ANO4: variants seen among roughly 807,000 people sequenced by gnomAD.
The protein encoded by ANO4 is anoctamin 4.
Under a neutral mutation model 141.9 loss-of-function variants are expected in ANO4, and 69 were observed. That is an observed-to-expected ratio of 0.49 (90% CI 0.40 to 0.59). The LOEUF is 0.59. Ranked by LOEUF, ANO4 falls within the 20% of genes least tolerant of loss-of-function variation. The probability of loss-of-function intolerance (pLI) is 0.00; values close to 1 mark genes in which losing one functional copy is unlikely to be tolerated. For synonymous variants in ANO4, 350 were observed against 394.3 expected, an observed-to-expected ratio of 0.89 and a Z score of 1.33; for missense variants, 894 against 1,162.2, an observed-to-expected ratio of 0.77 and a Z score of 3.36.
At chr12:100,739,402 A>G (rs971336505) in intron 2 of ANO4, among the ~76,000 whole-genome samples, 98 of 152,244 alleles carry the variant, frequency 6.4e-4, no homozygotes, top group African/African-American at 1.8e-3. Flanking sequence ...GAAAGAACAT[A>G]GATTTTGGAG....
At chr12:100,908,934 C>G (rs1215841753) in intron 2 of ANO4, among the ~76,000 whole-genome samples, 1 of 152,156 alleles carries the variant, frequency 6.6e-6, no homozygotes, top group Non-Finnish European at 1.5e-5. Context: ...CTACTATTTA[C>G]TAACAAGGAT....
chr12:100,858,018 G>A (rs556345270), intron 1 of ANO4, among the ~76,000 whole-genome samples: 51 of 152,224 alleles, frequency 3.4e-4, no homozygotes, highest in Non-Finnish European at 6.8e-4. Context: ...TTCTATCACT[G>A]GTGATAGGAG....
rs564853627 is a variant in ANO4, at chr12:100,739,557, A to G, written c.107-297A>G. Among the ~76,000 whole-genome samples the G allele has an allele frequency of 3.3e-5, 5 of 152,214 alleles. No individual in the cohort carries two copies. The East Asian group carries it at 7.7e-4, about 24-fold the overall frequency. On this transcript the variant is annotated intron_variant, in intron 2 of 29. Transcript: ENST00000644049. ...AGATCAGTTCTGCAGTTTCTATCTT[A>G]TAGTAGGCCTTAAGTAATTTTTTTT...
intron 9 of ANO4, among the ~76,000 whole-genome samples, chr12:101,030,875 G>T (rs1037841534): frequency 6.6e-6 from 1 of 151,934 alleles, no homozygotes; most frequent in Non-Finnish European, 1.5e-5. Flanking sequence ...CTCTCCCAAG[G>T]CTCAACCAGG....
chr12:100,839,610 A>T (rs1473695469), intron 1 of ANO4, among the ~76,000 whole-genome samples: 1 of 152,152 alleles, frequency 6.6e-6, no homozygotes, highest in African/African-American at 2.4e-5. Context: ...GGCATTTTCA[A>T]ATAAATAAGG....
At chr12:101,017,516 A>G (rs2046359104) in intron 8 of ANO4, among the ~76,000 whole-genome samples, 1 of 151,752 alleles carries the variant, frequency 6.6e-6, no homozygotes, top group Admixed American at 6.6e-5. Flanking sequence ...GAGATTTGGA[A>G]ACAAATGAAT....
At chr12:100,781,169 T>C (rs560558411) in intron 3 of ANO4, among the ~76,000 whole-genome samples, 1 of 152,344 alleles carries the variant, frequency 6.6e-6, no homozygotes, top group South Asian at 2.1e-4. Flanking sequence ...AATGCTCATT[T>C]ATTAGATACT....
chr12:101,089,298 T>C (rs1461203714), intron 17 of ANO4, among the ~76,000 whole-genome samples: 1 of 152,048 alleles, frequency 6.6e-6, no homozygotes, highest in Admixed American at 6.6e-5. Context: ...TCATTATTAG[T>C]ATTAAAATAC....
intron 3 of ANO4, among the ~76,000 whole-genome samples, chr12:100,777,475 A>C (rs1267831482): frequency 1.3e-5 from 2 of 151,582 alleles, no homozygotes; most frequent in African/African-American, 2.4e-5. Flanking sequence ...GCTTGGGTAG[A>C]GTAAAAAGCC....
intron 5 of ANO4, among the ~76,000 whole-genome samples, chr12:100,962,332 G>T (rs1262065807): frequency 1.3e-5 from 2 of 152,246 alleles, no homozygotes; most frequent in Admixed American, 1.3e-4. Context: ...GAATACAACT[G>T]TGGAGAAGTG....
intron 14 of ANO4, among the ~76,000 whole-genome samples, chr12:101,066,010 C>T (rs1362119951): frequency 6.6e-6 from 1 of 152,050 alleles, no homozygotes; most frequent in African/African-American, 2.4e-5. Flanking sequence ...AGGATGAAAA[C>T]CATATGATCA....
intron 14 of ANO4, among the ~76,000 whole-genome samples, chr12:101,065,305 A>G (rs2048534737): frequency 6.6e-6 from 1 of 152,108 alleles, no homozygotes; most frequent in African/African-American, 2.4e-5. Context: ...CTTGGAATGT[A>G]TTACCTGTGG....
At chr12:100,833,715 G>A (rs11110546) in intron 1 of ANO4, among the ~76,000 whole-genome samples, 29,174 of 151,840 alleles carry the variant, frequency 0.19, 3,340 homozygotes, top group Middle Eastern at 0.35. Flanking sequence ...CAGAGTGTCT[G>A]GCTCATAGTA....
chr12:100,813,127 A>C (rs764561411), intron 1 of ANO4, among the ~76,000 whole-genome samples: 14 of 152,232 alleles, frequency 9.2e-5, no homozygotes, highest in African/African-American at 1.7e-4. Context: ...TAGCAGTGTC[A>C]AATGAAAGCT....
intron 1 of ANO4, among the ~76,000 whole-genome samples, chr12:100,838,894 T>C (rs2037088427): frequency 1.3e-5 from 2 of 152,068 alleles, no homozygotes; most frequent in African/African-American, 4.8e-5. Flanking sequence ...TGAAGGAAGA[T>C]GTGGATGGAG....
At chr12:100,894,144 A>G (rs148623964) in intron 1 of ANO4, among the ~76,000 whole-genome samples, 36 of 152,318 alleles carry the variant, frequency 2.4e-4, no homozygotes, top group Non-Finnish European at 3.5e-4. Flanking sequence ...TACAAAGGAC[A>G]GCACCTTGGC....
chr12:100,717,279 G>A (rs1439661335), upstream of ANO4, among the ~76,000 whole-genome samples: 1 of 151,594 alleles, frequency 6.6e-6, no homozygotes, highest in Non-Finnish European at 1.5e-5. Flanking sequence ...CGGGGACCCG[G>A]AGCGCGGCTG....
At chr12:100,735,864 T>C (rs1481096097) in intron 2 of ANO4, among the ~76,000 whole-genome samples, 3 of 152,136 alleles carry the variant, frequency 2.0e-5, no homozygotes, top group East Asian at 1.9e-4. Context: ...ATGGAGAACA[T>C]GTTCAGGAGA....
At chr12:100,870,342 T>A (rs1026815474) in intron 1 of ANO4, among the ~76,000 whole-genome samples, 13 of 152,198 alleles carry the variant, frequency 8.5e-5, no homozygotes, top group African/African-American at 2.9e-4. Context: ...AATAATTACA[T>A]CCCTTTCTTT....
Sources: allele counts gnomAD v4.1 joint callset (sites outside exome capture counted in the v4.1 genomes callset), GRCh38; gene constraint gnomAD v4.1.1; transcripts MANE v1.5; gene names NCBI Gene and HGNC (gene_info 2026-07-23, HGNC 2026-07-21).